Variants in SPAG16 observed in about 807,000 individuals in gnomAD.
SPAG16 encodes sperm-associated antigen 16 protein.
Under a neutral mutation model 80.4 loss-of-function variants are expected in SPAG16, and 86 were observed. The ratio of observed to expected loss-of-function variants is 1.07; its 90% confidence interval spans 0.90 to 1.28. SPAG16 has a LOEUF of 1.28. Among genes scored for constraint, SPAG16 ranks in the 50% most tolerant of loss-of-function variants. SPAG16 has a pLI of 0.00. For synonymous variants in SPAG16, 294 were observed against 265.9 expected, an observed-to-expected ratio of 1.11 and a Z score of -1.03; for missense variants, 870 against 765.3, an observed-to-expected ratio of 1.14 and a Z score of -1.61.
intron 15 of SPAG16, among the ~76,000 whole-genome samples, chr2:214,340,805 A>C (rs1697629368): frequency 6.6e-6 from 1 of 152,128 alleles, no homozygotes; most frequent in East Asian, 1.9e-4. Context: ...CTCACTCCAC[A>C]TCCACCCTCT....
chr2:213,665,685 T>C (rs2063574999), intron 10 of SPAG16, among the ~76,000 whole-genome samples: 1 of 152,200 alleles, frequency 6.6e-6, no homozygotes, highest in African/African-American at 2.4e-5. Flanking sequence ...TTTATGTGTG[T>C]TTATTTTTAA....
chr2:214,007,004 G>A (rs557448434), intron 12 of SPAG16, among the ~76,000 whole-genome samples: 1 of 152,136 alleles, frequency 6.6e-6, no homozygotes, highest in African/African-American at 2.4e-5. Flanking sequence ...GGGTAATAAT[G>A]ACAACAAAGT....
intron 6 of SPAG16, 119 bp downstream of exon 6, chr2:213,340,389 G>A (rs1176178285): frequency 6.9e-6 from 5 of 728,940 alleles, no homozygotes; most frequent in South Asian, 1.8e-5. Context: ...CATAAGATGA[G>A]TAAGTTGCGA....
chr2:214,049,646 T>TAGAA (rs1479191518), intron 13 of SPAG16, among the ~76,000 whole-genome samples: 1 of 152,176 alleles, frequency 6.6e-6, no homozygotes, highest in Non-Finnish European at 1.5e-5. Flanking sequence ...AAAATCACAT[T>TAGAA]TGTGGTTGTG....
intron 10 of SPAG16, among the ~76,000 whole-genome samples, chr2:213,604,016 T>C (rs982525673): frequency 6.6e-6 from 1 of 151,614 alleles, no homozygotes; most frequent in African/African-American, 2.4e-5. Context: ...CTCTGCCTCC[T>C]GAGTAGCTGG....
intron 10 of SPAG16, among the ~76,000 whole-genome samples, chr2:213,516,547 C>A (rs926783367): frequency 5.3e-5 from 8 of 152,102 alleles, no homozygotes; most frequent in Non-Finnish European, 1.5e-5. Flanking sequence ...TTTATTTTCT[C>A]CTTCATTCCA....
chr2:214,269,190 T>C (rs1341079309), intron 15 of SPAG16, among the ~76,000 whole-genome samples: 1 of 152,028 alleles, frequency 6.6e-6, no homozygotes, highest in African/African-American at 2.4e-5. Context: ...TAGCATATCA[T>C]AATCAAGGGA....
At chr2:213,479,480 T>G (rs1172968881) in intron 9 of SPAG16, among the ~76,000 whole-genome samples, 2 of 151,906 alleles carry the variant, frequency 1.3e-5, no homozygotes, top group Non-Finnish European at 2.9e-5. Flanking sequence ...GTGTGTGTGT[T>G]TACTAGTGTA....
intron 10 of SPAG16, among the ~76,000 whole-genome samples, chr2:213,561,774 C>A (rs1390247108): frequency 3.3e-5 from 5 of 151,986 alleles, no homozygotes; most frequent in Non-Finnish European, 5.9e-5. Flanking sequence ...TTATTTTTAT[C>A]AAAAAATGCC....
At chr2:213,690,286 C>A (rs2064883965) in intron 10 of SPAG16, among the ~76,000 whole-genome samples, 1 of 152,194 alleles carries the variant, frequency 6.6e-6, no homozygotes, top group African/African-American at 2.4e-5. Context: ...TTATTTCTAA[C>A]AGTCTGGAGG....
At position 213,301,578 on chromosome 2, in the gene SPAG16, C is replaced by T. The variant is rs142850293; in HGVS notation, c.279+4221C>T. On this transcript the variant is annotated intron_variant, in intron 3 of 15. Coordinates refer to ENST00000331683, the MANE Select transcript of SPAG16 (RefSeq NM_024532.5). The stretch of plus-strand genomic sequence containing the variant: ...ACATCTTTCATATCCTTCTCTTTAC[C>T]TTCATCCTCACTTAGTCTACCTTAA... 3.7e-3 allele frequency among the ~76,000 whole-genome samples: 562 copies of T among 151,908 alleles called. 3 individuals carry two copies. The highest frequency in any genetic ancestry group is 0.012 in the African/African-American group (491 of 41,424).
intron 11 of SPAG16, among the ~76,000 whole-genome samples, chr2:213,907,229 G>C (rs1350365893): frequency 1.3e-5 from 2 of 152,070 alleles, no homozygotes; most frequent in Admixed American, 1.3e-4. Context: ...GATATAAATA[G>C]ACATATTTTA....
chr2:214,009,437 C>G (rs536803949), intron 12 of SPAG16, among the ~76,000 whole-genome samples: 31 of 152,154 alleles, frequency 2.0e-4, no homozygotes, highest in Admixed American at 5.9e-4. Context: ...TAGTTCAATG[C>G]CAGTAAAAAT....
chr2:214,180,823 AT>A (rs1317116116), intron 15 of SPAG16, among the ~76,000 whole-genome samples: 1 of 151,692 alleles, frequency 6.6e-6, no homozygotes, highest in African/African-American at 2.4e-5. Flanking sequence ...AACAACTCAT[AT>A]TGAATCTGAA....
intron 9 of SPAG16, among the ~76,000 whole-genome samples, chr2:213,400,142 T>A (rs550052107): frequency 8.5e-5 from 13 of 152,112 alleles, no homozygotes; most frequent in African/African-American, 2.4e-4. Flanking sequence ...AGCTTTTTTC[T>A]TGTATAACTT....
intron 9 of SPAG16, among the ~76,000 whole-genome samples, chr2:213,395,476 G>C (rs114505542): frequency 6.6e-6 from 1 of 151,964 alleles, no homozygotes; most frequent in African/African-American, 2.4e-5. Context: ...CCTCTTTGAC[G>C]TATAGATTAT....
At chr2:214,209,474 C>T (rs200333414) in intron 15 of SPAG16, among the ~76,000 whole-genome samples, 1 of 152,150 alleles carries the variant, frequency 6.6e-6, no homozygotes, top group African/African-American at 2.4e-5. Context: ...ACTATTCAAA[C>T]AAAAGCATAT....
intron 5 of SPAG16, among the ~76,000 whole-genome samples, chr2:213,336,542 C>G (rs1171635547): frequency 6.6e-6 from 1 of 152,212 alleles, no homozygotes; most frequent in Non-Finnish European, 1.5e-5. Flanking sequence ...GGCCATTGTC[C>G]CCTGCTGTAG....
intron 13 of SPAG16, among the ~76,000 whole-genome samples, chr2:214,091,288 A>C (rs115375572): frequency 1.3e-5 from 2 of 152,232 alleles, no homozygotes; most frequent in East Asian, 1.9e-4. Flanking sequence ...AAAAATCTGT[A>C]ATAAAACTAC....
Sources: allele counts gnomAD v4.1 joint callset (sites outside exome capture counted in the v4.1 genomes callset), GRCh38; gene constraint gnomAD v4.1.1; transcripts MANE v1.5; gene names NCBI Gene and HGNC (gene_info 2026-07-23, HGNC 2026-07-21).